Variants in ANKHD1 observed in about 807,000 individuals in gnomAD.
ANKHD1 encodes ankyrin repeat and KH domain-containing protein 1.
ANKHD1 carries 31 observed loss-of-function variants against 230.5 expected under a neutral mutation model. That is an observed-to-expected ratio of 0.13 (90% CI 0.10 to 0.18). The LOEUF is 0.18. Ranked by LOEUF, ANKHD1 falls within the 10% of genes least tolerant of loss-of-function variation. ANKHD1 has a pLI of 1.00. For missense variants in ANKHD1, 2,256 were observed against 3,071.3 expected (o/e 0.73, Z 6.27); for synonymous variants, 1,074 against 1,117.6 (o/e 0.96, Z 0.78).
chr5:140,491,053 A>C (rs1561793235), intron 14 of ANKHD1, among the ~76,000 whole-genome samples: 3 of 144,374 alleles, frequency 2.1e-5, no homozygotes, highest in African/African-American at 7.6e-5. Flanking sequence ...TTCTTATAAA[A>C]TATTTATTTT....
chr5:140,503,265 G>GT (rs1752382779), intron 15 of ANKHD1, among the ~76,000 whole-genome samples: 2 of 151,724 alleles, frequency 1.3e-5, no homozygotes, highest in African/African-American at 2.4e-5. Context: ...CTGATTATAT[G>GT]TTTTTTTCTG....
intron 6 of ANKHD1, among the ~76,000 whole-genome samples, chr5:140,446,879 A>G (rs1184586295): frequency 6.6e-6 from 1 of 152,006 alleles, no homozygotes; most frequent in Non-Finnish European, 1.5e-5. Context: ...TTTCATCTCA[A>G]TAAATATTCT....
At chr5:140,502,081 T>C in intron 15 of ANKHD1, among the ~76,000 whole-genome samples, 1 of 151,824 alleles carries the variant, frequency 6.6e-6, no homozygotes, top group South Asian at 2.1e-4. Context: ...TTAATTTGAA[T>C]TATATATAGA....
rs1223249840 is a variant in ANKHD1 at position 140,539,085 on chromosome 5, T to G, written c.7569+2T>G. The G allele has an allele frequency of 1.3e-6, 2 of 1,598,896 alleles. No homozygotes were observed. Among genetic ancestry groups the G allele is most frequent in the Non-Finnish European group, 1.7e-6 (2 of 1,174,344 alleles). ...ACTGAATGCACTGATGCCCAGCAGGTAAAATGGGCTTAATGCTCTTTTGTT... is the reference window on the plus strand; with the variant it reads ...ACTGAATGCACTGATGCCCAGCAGGGAAAATGGGCTTAATGCTCTTTTGTT... On this transcript the variant is annotated splice_donor_variant, in intron 33 of 33. Coordinates refer to ENST00000360839, the MANE Select transcript of ANKHD1 (RefSeq NM_017747.3). LOFTEE classifies it high-confidence loss of function.
chr5:140,431,802 A>C (rs1410793803), intron 1 of ANKHD1, among the ~76,000 whole-genome samples: 1 of 152,226 alleles, frequency 6.6e-6, no homozygotes, highest in Non-Finnish European at 1.5e-5. Context: ...TTATATTTTC[A>C]GAGAAGTTAT....
intron 11 of ANKHD1, chr5:140,484,825 A>G: frequency 5.2e-6 from 1 of 191,440 alleles, no homozygotes; most frequent in Non-Finnish European, 1.0e-5. Flanking sequence ...ATAAAGTTCA[A>G]AAACTAAAAC....
In ANKHD1 at chr5:140,506,174, C is replaced by T. The variant is rs1159141410; in HGVS notation, c.3408+305C>T. Among the ~76,000 whole-genome samples, 1 of 152,228 alleles carries T rather than the reference C, an allele frequency of 6.6e-6. No homozygotes were observed. Among genetic ancestry groups the T allele is most frequent in the Non-Finnish European group, 1.5e-5 (1 of 68,032 alleles). ...CTCCTGGCCTCAAGCAATCCTCTCT[C>T]CTCGGCCTCCCAAAGTACAGGGATT... On this transcript the variant is annotated intron_variant, in intron 18 of 33. Coordinates refer to ENST00000360839, the MANE Select transcript of ANKHD1 (RefSeq NM_017747.3). The surrounding 1 kb of genome is among the most constrained non-coding windows in gnomAD (Gnocchi z 4.7).
At chr5:140,472,678 T>G (rs1462174187) in intron 10 of ANKHD1, among the ~76,000 whole-genome samples, 1 of 152,100 alleles carries the variant, frequency 6.6e-6, no homozygotes, top group Non-Finnish European at 1.5e-5. Flanking sequence ...GATATTAATA[T>G]ATTGGATTGT....
chr5:140,445,649 A>G (rs1220169352), intron 5 of ANKHD1, 93 bp from the exon 6 acceptor site: 9 of 1,171,614 alleles, frequency 7.7e-6, no homozygotes, highest in East Asian at 2.9e-5. Context: ...CTGTTCTGTC[A>G]TGATTGTATA....
At chr5:140,436,628 C>G (rs1220682472) in intron 2 of ANKHD1, among the ~76,000 whole-genome samples, 2 of 151,890 alleles carry the variant, frequency 1.3e-5, no homozygotes, top group African/African-American at 4.8e-5. Flanking sequence ...CGCCTGTAGT[C>G]CCAGCTACTC....
intron 1 of ANKHD1, among the ~76,000 whole-genome samples, chr5:140,419,792 TTC>T (rs1346015485): frequency 3.3e-5 from 2 of 61,210 alleles, no homozygotes; most frequent in African/African-American, 9.4e-5. Context: ...CTTTCTTTCT[TTC>T]TTTCTTTCTT....
chr5:140,455,040 C>T (rs1024448881), intron 7 of ANKHD1, among the ~76,000 whole-genome samples: 5 of 151,920 alleles, frequency 3.3e-5, no homozygotes, highest in Non-Finnish European at 5.9e-5. Flanking sequence ...ATATCACCAC[C>T]GATCCCACAG....
intron 22 of ANKHD1, among the ~76,000 whole-genome samples, chr5:140,512,069 C>G (rs1268416051): frequency 6.6e-6 from 1 of 152,052 alleles, no homozygotes; most frequent in South Asian, 2.1e-4. Context: ...ATCCCCGTCT[C>G]TACTAAAAAT....
At chr5:140,415,703 G>T (rs938110792) in intron 1 of ANKHD1, among the ~76,000 whole-genome samples, 53 of 151,868 alleles carry the variant, frequency 3.5e-4, no homozygotes, top group Non-Finnish European at 7.1e-4. Flanking sequence ...CTCCCAAAGT[G>T]CTGGGATTAC....
In ANKHD1 at chr5:140,482,455, T is replaced by C. The variant is rs115215203; in HGVS notation, c.1783-125T>C. The C allele has an allele frequency of 8.7e-4, 885 of 1,016,012 alleles. 6 individuals carry two copies. In the African/African-American group the frequency reaches 0.013, roughly 15 times the overall value. The allele number at this position is 1,016,012 out of a possible 1,614,324, so 62.9% of individuals were successfully genotyped here. On this transcript the variant is annotated intron_variant, in intron 10 of 33. Coordinates refer to ENST00000360839, the MANE Select transcript of ANKHD1 (RefSeq NM_017747.3). ...ATAATGGGGGAATTGAGGTAGGTGG[T>C]ATAAAGTGTCTACAATGAGTAAGTA... is the stretch of plus-strand genomic sequence containing the variant.
At chr5:140,459,475 G>C in intron 9 of ANKHD1, 120 bp downstream of exon 9, 1 of 1,273,746 alleles carries the variant, frequency 7.9e-7, no homozygotes, top group Middle Eastern at 2.6e-4. Flanking sequence ...CAGAGTGTGG[G>C]CATGAGGGTG....
intron 10 of ANKHD1, among the ~76,000 whole-genome samples, chr5:140,473,624 A>G (rs985120558): frequency 1.3e-5 from 2 of 152,136 alleles, no homozygotes; most frequent in South Asian, 2.1e-4. Context: ...TCATTTTTAT[A>G]GAGATGAGGT....
chr5:140,440,332 C>G (rs1773758252), intron 4 of ANKHD1, 66 bp downstream of exon 4: 1 of 1,548,132 alleles, frequency 6.5e-7, no homozygotes, highest in Non-Finnish European at 8.7e-7. Flanking sequence ...TTATTTTTGT[C>G]ACTTATAAGA....
At chr5:140,471,407 A>G (rs568555352) in intron 10 of ANKHD1, among the ~76,000 whole-genome samples, 1 of 152,296 alleles carries the variant, frequency 6.6e-6, no homozygotes, top group East Asian at 1.9e-4. Context: ...GGGACTGGCT[A>G]TTTATTGAAA....
Sources: gnomAD v4.1 joint callset for allele counts (sites outside exome capture counted in the v4.1 genomes callset) on GRCh38, gnomAD v4.1.1 for gene constraint, Gnocchi (gnomAD v3.1) non-coding constraint, MANE v1.5 for transcripts, NCBI Gene and HGNC (gene_info 2026-07-23, HGNC 2026-07-21) for gene names.